The following SI variants were observed in gnomAD, a reference collection of about 807,000 sequenced individuals.
SI encodes the protein sucrase-isomaltase.
Under a neutral mutation model 253.3 loss-of-function variants are expected in SI, and 235 were observed. The ratio of observed to expected loss-of-function variants is 0.93; its 90% CI spans 0.83 to 1.03. The LOEUF (loss-of-function observed/expected upper bound fraction) is 1.03, where lower values mean the gene tolerates loss of function less well. SI is among the 50% of genes least tolerant of loss of function. The pLI, the probability that SI is intolerant of heterozygous loss-of-function variation, is 0.00. For missense variants in SI, 2,442 were observed against 2,211.1 expected (o/e 1.10, Z -2.09); for synonymous variants, 819 against 712.0 (o/e 1.15, Z -2.39).
At chr3:164,984,224 G>T (rs1717331434) in intron 45 of SI, among the ~76,000 whole-genome samples, 1 of 151,946 alleles carries the variant, frequency 6.6e-6, no homozygotes. Flanking sequence ...AAGTATTGGG[G>T]TAACATTGAA....
intron 12 of SI, among the ~76,000 whole-genome samples, chr3:165,057,370 G>C (rs1179371227): frequency 2.6e-5 from 4 of 151,926 alleles, no homozygotes; most frequent in African/African-American, 9.7e-5. Context: ...GCAAATCTGA[G>C]TTATTGGCCT....
intron 26 of SI, among the ~76,000 whole-genome samples, chr3:165,022,535 T>TCTCA (rs142466625): frequency 5.4e-4 from 75 of 137,936 alleles, no homozygotes; most frequent in Admixed American, 1.1e-3. Flanking sequence ...TTGTGCCATC[T>TCTCA]CACACACACA....
intron 16 of SI, 91 bp downstream of exon 16, chr3:165,046,749 CT>C (rs1713135195): frequency 1.8e-6 from 2 of 1,086,688 alleles, no homozygotes; most frequent in South Asian, 1.4e-5. Flanking sequence ...TGTAACATGC[CT>C]TTTGATCATT....
intron 2 of SI, among the ~76,000 whole-genome samples, chr3:165,075,328 C>T (rs1293529326): frequency 6.6e-6 from 1 of 151,920 alleles, no homozygotes; most frequent in African/African-American, 2.4e-5. Context: ...TACTGATTTG[C>T]TCAAGAGAGA....
intron 9 of SI, among the ~76,000 whole-genome samples, chr3:165,061,010 T>C (rs953016376): frequency 2.6e-5 from 4 of 151,400 alleles, no homozygotes; most frequent in Non-Finnish European, 4.4e-5. Flanking sequence ...TCAAACTTGA[T>C]ATCAAATAAA....
chr3:165,052,626 C>T (rs984378134), intron 13 of SI, among the ~76,000 whole-genome samples: 5 of 152,036 alleles, frequency 3.3e-5, no homozygotes, highest in African/African-American at 9.7e-5. Context: ...CACAGCACTA[C>T]AGCCTGGGTG....
At chr3:165,016,977 A>G (rs907889043) in intron 31 of SI, among the ~76,000 whole-genome samples, 1 of 151,948 alleles carries the variant, frequency 6.6e-6, no homozygotes, top group African/African-American at 2.4e-5. Context: ...CAAGCCTTCT[A>G]TATTTTAATG....
At chr3:165,005,406 T>C (rs1224013557) in intron 37 of SI, among the ~76,000 whole-genome samples, 1 of 152,056 alleles carries the variant, frequency 6.6e-6, no homozygotes, top group African/African-American at 2.4e-5. Flanking sequence ...ATCCTTCTGT[T>C]TTCTATGAGG....
intron 15 of SI, among the ~76,000 whole-genome samples, chr3:165,047,712 A>C (rs1473811994): frequency 6.6e-6 from 1 of 152,072 alleles, no homozygotes; most frequent in Non-Finnish European, 1.5e-5. Context: ...TTCCCTTATA[A>C]ATAGAAAATA....
At chr3:165,070,364 A>ATGTG (rs1186168929) in intron 3 of SI, among the ~76,000 whole-genome samples, 5 of 139,716 alleles carry the variant, frequency 3.6e-5, no homozygotes, top group Admixed American at 1.5e-4. Flanking sequence ...ATATATATAT[A>ATGTG]TGTGTGTGTG....
intron 16 of SI, among the ~76,000 whole-genome samples, chr3:165,044,820 C>G (rs981863234): frequency 6.6e-6 from 1 of 151,872 alleles, no homozygotes; most frequent in African/African-American, 2.4e-5. Flanking sequence ...GAAATTATTT[C>G]TCTAACCTGA....
intron 13 of SI, among the ~76,000 whole-genome samples, chr3:165,052,654 C>T (rs1713492377): frequency 6.6e-6 from 1 of 151,314 alleles, no homozygotes; most frequent in Admixed American, 6.6e-5. Context: ...AAGACTTAGT[C>T]TCAAAAAACA....
chr3:164,997,722 A>T (rs548621563), intron 38 of SI, among the ~76,000 whole-genome samples: 5 of 151,840 alleles, frequency 3.3e-5, no homozygotes, highest in East Asian at 1.9e-4. Flanking sequence ...GCTCCCAGTT[A>T]TAAGTTAGAA....
At chr3:164,986,990 T>G (rs1717468402) in intron 45 of SI, 148 bp downstream of exon 45, 5 of 677,502 alleles carry the variant, frequency 7.4e-6, no homozygotes, top group African/African-American at 1.8e-5. Flanking sequence ...TCTCTTTAAG[T>G]TGATTCAGTG....
intron 17 of SI, among the ~76,000 whole-genome samples, chr3:165,042,374 A>G (rs891709215): frequency 5.9e-5 from 9 of 152,086 alleles, no homozygotes; most frequent in Non-Finnish European, 1.5e-5. Flanking sequence ...GTGAACACTG[A>G]ACGGTTTCTT....
intron 44 of SI, among the ~76,000 whole-genome samples, chr3:164,989,428 GAAAGA>G (rs1559978183): frequency 1.3e-4 from 19 of 143,012 alleles, no homozygotes; most frequent in Middle Eastern, 3.6e-3. Flanking sequence ...AAGAAAGAAA[GAAAGA>G]AAGGAAAGAA....
intron 12 of SI, among the ~76,000 whole-genome samples, chr3:165,058,620 A>C (rs879899491): frequency 2.0e-5 from 3 of 151,960 alleles, no homozygotes; most frequent in Non-Finnish European, 2.9e-5. Flanking sequence ...AAATGTAAAT[A>C]ATTTTTAGAG....
intron 24 of SI, 63 bp downstream of exon 24, chr3:165,032,459 G>A: frequency 1.8e-6 from 2 of 1,104,426 alleles, no homozygotes; most frequent in South Asian, 2.7e-5. Context: ...GTGCCTGAAT[G>A]GTTATATAAT....
At chr3:165,040,076 C>A in intron 18 of SI, 105 bp from the exon 19 acceptor site, 1 of 865,510 alleles carries the variant, frequency 1.2e-6, no homozygotes. Flanking sequence ...TTGTTGTTAT[C>A]TTGAATTGTG....
Sources: allele counts gnomAD v4.1 joint callset (sites outside exome capture counted in the v4.1 genomes callset), GRCh38; gene constraint gnomAD v4.1.1; transcripts MANE v1.5; gene names NCBI Gene and HGNC (gene_info 2026-07-23, HGNC 2026-07-21).